The following SLC12A9 variants were observed in gnomAD, a reference collection of about 807,000 sequenced individuals.
SLC12A9 encodes solute carrier family 12 member 9.
A neutral mutation model predicts 66.0 loss-of-function variants in SLC12A9; 55 were observed. That is an observed-to-expected ratio of 0.83 (90% CI 0.67 to 1.04). The LOEUF is 1.04. Ranked by LOEUF, SLC12A9 falls within the 50% of genes least tolerant of loss-of-function variation. The probability of loss-of-function intolerance (pLI) is 0.00; values close to 1 mark genes in which losing one functional copy is unlikely to be tolerated. For missense variants in SLC12A9, 1,061 were observed against 1,241.9 expected (o/e 0.85, Z 2.19); for synonymous variants, 577 against 569.0 (o/e 1.01, Z -0.20).
At chr7:100,847,652 G>A (rs1282170066) in intron 1 of SLC12A9, among the ~76,000 whole-genome samples, 1 of 152,132 alleles carries the variant, frequency 6.6e-6, no homozygotes, top group African/African-American at 2.4e-5. Context: ...TGTCTATGGT[G>A]TGGATGTTGG....
upstream of SLC12A9, among the ~76,000 whole-genome samples, chr7:100,851,784 CA>C (rs66749400): frequency 1.8e-3 from 136 of 74,244 alleles, no homozygotes; most frequent in Admixed American, 3.1e-3. Context: ...GTTCCTGGAT[CA>C]AAAAAAAAAA....
chr7:100,861,912 G>A lies in SLC12A9; in HGVS notation c.1711+1G>A. 6.3e-7 allele frequency: 1 copy of A among 1,591,528 alleles called. No homozygotes were observed. Among genetic ancestry groups the A allele is most frequent in the Non-Finnish European group, 8.6e-7 (1 of 1,166,998 alleles). On this transcript the variant is annotated splice_donor_variant, in intron 12 of 13. Coordinates refer to ENST00000354161, the MANE Select transcript of SLC12A9 (RefSeq NM_020246.4). LOFTEE classifies it high-confidence loss of function. This position sits in a 1 kb window ranked among gnomAD's most constrained non-coding sequence, Gnocchi z 5.3. ...GGCCACGTCACCCTGGGAGACCTCG[G>A]TGAGCTGCCCTCCCACTCACTCACT...
In SLC12A9 at chr7:100,866,890, ACT is replaced by A. The variant is rs1441255415; in HGVS notation, c.*288_*289del. On this transcript the variant is annotated 3_prime_UTR_variant, in exon 14 of 14. Transcript: ENST00000354161. The surrounding 1 kb of genome is among the most constrained non-coding windows in gnomAD (Gnocchi z 7.3). ...TGCTAGGGGCCAGGCCTCCTCTGTG[ACT>A]CTGGGCTACCTCAGTTTCCCCATTT... The A allele has an allele frequency of 2.6e-6, 1 of 378,876 alleles. No individual in the cohort carries two copies. Among genetic ancestry groups the A allele is most frequent in the Non-Finnish European group, 4.7e-6 (1 of 212,404 alleles). The allele number at this position is 378,876 out of a possible 1,614,324, so 23.5% of individuals were successfully genotyped here.
chr7:100,859,219 A>G (rs1232297110), intron 7 of SLC12A9, 58 bp downstream of exon 7: 3 of 1,506,468 alleles, frequency 2.0e-6, no homozygotes, highest in Non-Finnish European at 2.8e-6. Flanking sequence ...CTGGGTCACC[A>G]AGGGGAAACA....
At position 100,861,516 on chromosome 7, in the gene SLC12A9, G is replaced by C; in HGVS notation, c.1468G>C (p.Ala490Pro). ...GSLLLMGLLA[A>P]LLTARGGPSS... ...CCTGCTCCTCATGGGTCTGCTGGCT[G>C]CCCTGCTCACCGCGCGAGGAGGCCC... The change falls in exon 11 of 14, where the codon GCC (alanine) becomes CCC (proline). Residue 490 changes from alanine to proline, a missense_variant. Transcript: ENST00000354161. The surrounding 1 kb of genome is among the most constrained non-coding windows in gnomAD (Gnocchi z 5.3). 6.2e-7 allele frequency: 1 copy of C among 1,613,876 alleles called. No individual in the cohort carries two copies. The highest frequency in any genetic ancestry group is 1.1e-5 in the South Asian group (1 of 91,084).
chr7:100,866,026 C>A lies in SLC12A9; in HGVS notation c.2166C>A (p.His722Gln). Reference sequence around the variant, plus strand: ...GGTCTGGGGGCACCTCTCAGCTGCACCATGTGGACGTGTGGCCCCTCAACC... The same window carrying A: ...GGTCTGGGGGCACCTCTCAGCTGCAACATGTGGACGTGTGGCCCCTCAACC... ...SRGSGGTSQL[H>Q]HVDVWPLNLL... The change falls in exon 14 of 14, where the codon CAC becomes CAA. Residue 722 changes from histidine to glutamine, a missense_variant. Coordinates refer to ENST00000354161, the MANE Select transcript of SLC12A9 (RefSeq NM_020246.4). This position sits in a 1 kb window ranked among gnomAD's most constrained non-coding sequence, Gnocchi z 7.3. 2 of 1,612,806 alleles carry A rather than the reference C, an allele frequency of 1.2e-6. No individual in the cohort carries two copies. The highest frequency in any genetic ancestry group is 1.7e-6 in the Non-Finnish European group (2 of 1,179,854).
intron 1 of SLC12A9, among the ~76,000 whole-genome samples, chr7:100,827,992 C>T (rs1334083686): frequency 2.0e-5 from 3 of 152,184 alleles, no homozygotes; most frequent in African/African-American, 4.8e-5. Context: ...CTCTAGTGGG[C>T]GCAGGGACTG....
upstream of SLC12A9, among the ~76,000 whole-genome samples, chr7:100,850,195 TCTTTCCTTCCCTCCCTCCCTC>T (rs1814029261): frequency 6.8e-6 from 1 of 147,720 alleles, no homozygotes; most frequent in African/African-American, 2.5e-5. Context: ...CTCCCTCCCT[TCTTTCCTTCCCTCCCTCCCTC>T]CCTTCTTTCC....
chr7:100,842,456 A>G (rs988385652), intron 1 of SLC12A9, among the ~76,000 whole-genome samples: 1 of 152,184 alleles, frequency 6.6e-6, no homozygotes. Context: ...AACTAGGACC[A>G]TTTAATCCAG....
chr7:100,846,717 G>C (rs1813925231), intron 1 of SLC12A9, among the ~76,000 whole-genome samples: 1 of 152,152 alleles, frequency 6.6e-6, no homozygotes, highest in Non-Finnish European at 1.5e-5. Context: ...GTCTCAAAGG[G>C]GAGGAATAAA....
At chr7:100,865,175 C>A in intron 13 of SLC12A9, 2 of 1,317,450 alleles carry the variant, frequency 1.5e-6, no homozygotes, top group Non-Finnish European at 2.1e-6. Context: ...CCAGGCTGGT[C>A]TCAAACTCCT....
intron 1 of SLC12A9, 123 bp from the exon 2 acceptor site, chr7:100,854,033 T>G: frequency 1.7e-6 from 1 of 589,088 alleles, no homozygotes. Context: ...CTGGCCAATT[T>G]TTGTATTTTT....
chr7:100,839,957 A>C (rs1362937662), intron 1 of SLC12A9, among the ~76,000 whole-genome samples: 1 of 152,078 alleles, frequency 6.6e-6, no homozygotes. Context: ...CTCAAAAAAA[A>C]AAAAAAAAGA....
Position 100,861,168 on chromosome 7 carries a change from C to T in SLC12A9, c.1249C>T (p.Leu417=). ...LVLLAGKLNT[L]AAVVTVFYLV... Reference sequence around the variant, plus strand: ...GCTCCTGGCTGGGAAGCTGAACACACTGGCTGCTGTGGTCACTGTCTTCTA... The same window carrying T: ...GCTCCTGGCTGGGAAGCTGAACACATTGGCTGCTGTGGTCACTGTCTTCTA... The change falls in exon 10 of 14, where the codon CTG becomes TTG. Residue 417 remains leucine (L), a synonymous_variant. Coordinates refer to ENST00000354161, the MANE Select transcript of SLC12A9 (RefSeq NM_020246.4). This position sits in a 1 kb window ranked among gnomAD's most constrained non-coding sequence, Gnocchi z 5.3. 2 of 1,614,202 alleles carry T rather than the reference C, an allele frequency of 1.2e-6. No individual in the cohort carries two copies. Among genetic ancestry groups the T allele is most frequent in the Non-Finnish European group, 1.7e-6 (2 of 1,180,030 alleles).
chr7:100,864,270 G>A (rs1238981626), intron 13 of SLC12A9, among the ~76,000 whole-genome samples: 1 of 151,916 alleles, frequency 6.6e-6, no homozygotes, highest in East Asian at 1.9e-4. Flanking sequence ...TGGTAGAGAC[G>A]GGGTTTCACC....
Position 100,866,497 on chromosome 7 carries a change from T to TC in SLC12A9, c.2640dup (p.Ala881ArgfsTer33). The TC allele has an allele frequency of 6.4e-7, 1 of 1,561,552 alleles. No individual in the cohort carries two copies. The highest frequency in any genetic ancestry group is 8.7e-7 in the Non-Finnish European group (1 of 1,153,680). Reference sequence around the variant, plus strand: ...TGTACTTGCCTCGGCCGCCAGCCGATCCCGCCCGATACCCCCGCTACCTGG... The same window carrying TC: ...TGTACTTGCCTCGGCCGCCAGCCGATCCCCGCCCGATACCCCCGCTACCTGG... On this transcript the variant is annotated frameshift_variant, in exon 14 of 14. Coordinates refer to ENST00000354161, the MANE Select transcript of SLC12A9 (RefSeq NM_020246.4). LOFTEE classifies it high-confidence loss of function. This position sits in a 1 kb window ranked among gnomAD's most constrained non-coding sequence, Gnocchi z 7.3.
chr7:100,859,304 GCCAGCA>G, intron 7 of SLC12A9, 143 bp downstream of exon 7: 12 of 723,970 alleles, frequency 1.7e-5, no homozygotes, highest in Non-Finnish European at 2.8e-5. Context: ...ACAACCTATA[GCCAGCA>G]GCTGCCATGG....
Position 100,857,188 on chromosome 7 carries a change from G to T in SLC12A9, c.757+12G>T. 6.2e-7 allele frequency: 1 copy of T among 1,601,950 alleles called. No individual in the cohort carries two copies. The highest frequency in any genetic ancestry group is 8.5e-7 in the Non-Finnish European group (1 of 1,171,680). ...GGACAACTTGGGCGGTGAGCTGGGT[G>T]CTGCCGTGGCAGGGATCTCGGGGTG... is the stretch of plus-strand genomic sequence containing the variant. On this transcript the variant is annotated intron_variant, in intron 5 of 13. Transcript: ENST00000354161.
intron 1 of SLC12A9, among the ~76,000 whole-genome samples, chr7:100,844,630 G>A (rs1813866619): frequency 6.6e-6 from 1 of 151,876 alleles, no homozygotes; most frequent in Non-Finnish European, 1.5e-5. Context: ...AAAATAAAAA[G>A]GACCCAGTCC....
Sources: gnomAD v4.1 joint callset for allele counts (sites outside exome capture counted in the v4.1 genomes callset) on GRCh38, gnomAD v4.1.1 for gene constraint, Gnocchi (gnomAD v3.1) non-coding constraint, MANE v1.5 for transcripts, NCBI Gene and HGNC (gene_info 2026-07-23, HGNC 2026-07-21) for gene names.